FAT3: variants seen among roughly 807,000 people sequenced by gnomAD.
FAT3 encodes FAT atypical cadherin 3, also known as protocadherin Fat 3.
Under a neutral mutation model 310.2 loss-of-function variants are expected in FAT3, and 95 were observed. The observed-to-expected ratio is 0.31, with a 90% CI of 0.26 to 0.36. FAT3 has a LOEUF of 0.36. FAT3 is among the 10% of genes least tolerant of loss of function. The pLI, the probability that FAT3 is intolerant of heterozygous loss-of-function variation, is 1.00. For missense variants in FAT3, 5,408 were observed against 5,715.6 expected, an observed-to-expected ratio of 0.95 and a Z score of 1.74; for synonymous variants, 2,314 against 2,192.9, an observed-to-expected ratio of 1.06 and a Z score of -1.54.
At chr11:92,488,302 A>C (rs1021707979) in intron 2 of FAT3, among the ~76,000 whole-genome samples, 1 of 152,088 alleles carries the variant, frequency 6.6e-6, no homozygotes, top group African/African-American at 2.4e-5. Flanking sequence ...TGACACTTTG[A>C]TTGCAGCCCT....
chr11:92,832,775 C>T (rs868410123), intron 14 of FAT3, among the ~76,000 whole-genome samples: 1 of 152,176 alleles, frequency 6.6e-6, no homozygotes, highest in Non-Finnish European at 1.5e-5. Flanking sequence ...CCGTGTGCAA[C>T]TGTCCACACT....
At chr11:92,557,362 T>C (rs540359) in intron 3 of FAT3, among the ~76,000 whole-genome samples, 82,412 of 151,918 alleles carry the variant, frequency 0.54, 23,024 homozygotes, top group East Asian at 0.78. Context: ...GGCTGATGAC[T>C]TGTAATAAAG....
chr11:92,593,675 AC>A (rs1939556054), intron 3 of FAT3, among the ~76,000 whole-genome samples: 1 of 152,136 alleles, frequency 6.6e-6, no homozygotes, highest in Non-Finnish European at 1.5e-5. Flanking sequence ...AGTCTGCAGC[AC>A]TGACCTTGTT....
At position 92,660,079 on chromosome 11, in the gene FAT3, A is replaced by C. The variant is rs1053676765; in HGVS notation, c.3608-37305A>C. 2.0e-5 allele frequency among the ~76,000 whole-genome samples: 3 copies of C among 152,180 alleles called. 1 individual carries two copies. In the South Asian group the frequency reaches 6.2e-4, roughly 32 times the overall value. ...GGCAGACTTAGTGCAGCAATGATACACACCACTTAGTATTCTTTTTTTTTT... is the reference window on the plus strand; with the variant it reads ...GGCAGACTTAGTGCAGCAATGATACCCACCACTTAGTATTCTTTTTTTTTT... On this transcript the variant is annotated intron_variant, in intron 3 of 27. Coordinates refer to ENST00000525166, the MANE Select transcript of FAT3 (RefSeq NM_001367949.2).
intron 3 of FAT3, among the ~76,000 whole-genome samples, chr11:92,537,827 C>G (rs964471521): frequency 2.6e-5 from 4 of 152,256 alleles, no homozygotes; most frequent in African/African-American, 9.6e-5. Flanking sequence ...ACTGGATCCC[C>G]AGTCAGGAGA....
chr11:92,432,340 A>T (rs1950805885), intron 2 of FAT3, among the ~76,000 whole-genome samples: 2 of 152,074 alleles, frequency 1.3e-5, no homozygotes, highest in South Asian at 4.1e-4. Context: ...TTGCACATTG[A>T]TTTTGTATCC....
chr11:92,619,603 C>A (rs934901948), intron 3 of FAT3, among the ~76,000 whole-genome samples: 10 of 151,826 alleles, frequency 6.6e-5, no homozygotes, highest in African/African-American at 2.4e-4. Context: ...TGGTATTTTC[C>A]TTCTAGGATT....
At chr11:92,830,860 A>T (rs1948229284) in intron 13 of FAT3, among the ~76,000 whole-genome samples, 1 of 152,076 alleles carries the variant, frequency 6.6e-6, no homozygotes, top group Non-Finnish European at 1.5e-5. Context: ...GCCACCTCCA[A>T]GTTCAGAATA....
At chr11:92,764,832 C>A (rs764703117) in intron 5 of FAT3, 47 bp from the exon 6 acceptor site, 45 of 1,557,954 alleles carry the variant, frequency 2.9e-5, no homozygotes, top group African/African-American at 1.2e-4. Context: ...AACTCTACAA[C>A]AATCAGAGGT....
rs180912124 is a variant in FAT3 at position 92,665,901 on chromosome 11, T to C, written c.3608-31483T>C. Among the ~76,000 whole-genome samples the C allele has an allele frequency of 2.5e-3, 380 of 152,318 alleles. 3 individuals are homozygous for C. Among genetic ancestry groups the C allele is most frequent in the African/African-American group, 8.7e-3 (361 of 41,570 alleles). ...CTTGCTTGCAATAGGCCAGACATAG[T>C]GGCTCATGCCTGTAATCTCAGTGCT... On this transcript the variant is annotated intron_variant, in intron 3 of 27. Coordinates refer to ENST00000525166, the MANE Select transcript of FAT3 (RefSeq NM_001367949.2).
At chr11:92,869,642 C>T (rs751161348) in intron 22 of FAT3, among the ~76,000 whole-genome samples, 4 of 152,136 alleles carry the variant, frequency 2.6e-5, no homozygotes, top group Admixed American at 6.6e-5. Flanking sequence ...TCCTTAAATT[C>T]GTGCCAAACA....
chr11:92,850,469 G>A (rs963435253), intron 19 of FAT3, among the ~76,000 whole-genome samples: 2 of 152,220 alleles, frequency 1.3e-5, no homozygotes, highest in Non-Finnish European at 2.9e-5. Context: ...GCTGAGTCAA[G>A]CAAACACCAT....
In FAT3 at chr11:92,331,019, A is replaced by T. The variant is rs879329689; in HGVS notation, c.-17-21077A>T. Among the ~76,000 whole-genome samples, 966 of 147,154 alleles carry T rather than the reference A, an allele frequency of 6.6e-3. 3 individuals carry two copies. The highest frequency in any genetic ancestry group is 0.01 in the Non-Finnish European group (674 of 66,948). ...GTGTGTGTGTGAGAGAGAGAGAGAG[A>T]GAAACATTTACAGCTTTTCAGATGT... On this transcript the variant is annotated intron_variant, in intron 1 of 27. Coordinates refer to ENST00000525166, the MANE Select transcript of FAT3 (RefSeq NM_001367949.2).
At chr11:92,331,888 T>C (rs1237374880) in intron 1 of FAT3, among the ~76,000 whole-genome samples, 1 of 152,218 alleles carries the variant, frequency 6.6e-6, no homozygotes, top group East Asian at 1.9e-4. Context: ...TGGGATAAAT[T>C]AACTTGACTA....
chr11:92,281,435 A>G (rs907054901), intron 1 of FAT3, among the ~76,000 whole-genome samples: 2 of 152,166 alleles, frequency 1.3e-5, no homozygotes, highest in Non-Finnish European at 2.9e-5. Context: ...GAGTTCAAGG[A>G]TCTGGCTACC....
chr11:92,806,903 C>T (rs1159174605), intron 12 of FAT3, among the ~76,000 whole-genome samples: 1 of 151,922 alleles, frequency 6.6e-6, no homozygotes, highest in African/African-American at 2.4e-5. Context: ...AATAATTCTC[C>T]TAGGAAACTC....
chr11:92,761,245 C>G (rs1855603638), intron 4 of FAT3, among the ~76,000 whole-genome samples: 1 of 152,100 alleles, frequency 6.6e-6, no homozygotes, highest in South Asian at 2.1e-4. Context: ...CTAGATGGTG[C>G]CTTCTGGTCA....
intron 12 of FAT3, among the ~76,000 whole-genome samples, chr11:92,808,701 G>T (rs1422346140): frequency 2.0e-5 from 3 of 152,062 alleles, no homozygotes; most frequent in African/African-American, 7.2e-5. Flanking sequence ...CGAGGTGGGT[G>T]GATCACAAAG....
chr11:92,762,383 T>C (rs1201765683), intron 5 of FAT3, among the ~76,000 whole-genome samples: 4 of 152,192 alleles, frequency 2.6e-5, no homozygotes, highest in African/African-American at 9.7e-5. Flanking sequence ...GGTTGTGTCC[T>C]GTCAGCATTT....
Sources: allele counts gnomAD v4.1 joint callset (sites outside exome capture counted in the v4.1 genomes callset), GRCh38; gene constraint gnomAD v4.1.1; transcripts MANE v1.5; gene names NCBI Gene and HGNC (gene_info 2026-07-23, HGNC 2026-07-21).